The following ANTXRL variants were observed in gnomAD, a reference collection of about 807,000 sequenced individuals.
ANTXRL encodes the protein anthrax toxin receptor-like.
ANTXRL carries 63 observed loss-of-function variants against 75.4 expected under a neutral mutation model. That is an observed-to-expected ratio of 0.84 (90% CI 0.68 to 1.03). The LOEUF is 1.03. Ranked by LOEUF, ANTXRL falls within the 50% of genes least tolerant of loss-of-function variation. The probability of loss-of-function intolerance (pLI) is 0.00; values close to 1 mark genes in which losing one functional copy is unlikely to be tolerated. For synonymous variants in ANTXRL, 335 were observed against 291.3 expected (o/e 1.15, Z -1.53); for missense variants, 797 against 789.4 (o/e 1.01, Z -0.12).
At position 46,306,891 on chromosome 10, in the gene ANTXRL, A is replaced by C; in HGVS notation, c.965+19A>C. 1 of 1,515,974 alleles carries C rather than the reference A, an allele frequency of 6.6e-7. No individual in the cohort carries two copies. Among genetic ancestry groups the C allele is most frequent in the Non-Finnish European group, 8.8e-7 (1 of 1,137,162 alleles). The allele number at this position is 1,515,974 out of a possible 1,614,324, so 93.9% of individuals were successfully genotyped here. A position where few individuals can be genotyped will look rare whatever the true frequency, so the allele number is the denominator to read the frequency against. On this transcript the variant is annotated intron_variant, in intron 11 of 16. Transcript: ENST00000620264. ...CTGGAGAGTAAGTGCCCCTGGCAGG[A>C]GGCTAGAGGGCAAGAGACCAGGGAG...
Position 46,311,586 on chromosome 10 carries a change from C to T in ANTXRL, c.1250C>T (p.Pro417Leu). Residue 417 changes from proline (P) to leucine (L), a missense_variant, in exon 15 of 17, where the codon CCA becomes CTA. Transcript: ENST00000620264. ...PPPPPLPPPP[P>L]APVNTCPTVI... ...CCACCTCCACTCCCGCCTCCGCCCC[C>T]AGCTCCTGTAAACACCTGCCCCACT... 1.3e-6 allele frequency: 2 copies of T among 1,494,170 alleles called. No individual in the cohort carries two copies. The highest frequency in any genetic ancestry group is 1.2e-5 in the South Asian group (1 of 83,238). The allele number at this position is 1,494,170 out of a possible 1,614,324, so 92.6% of individuals were successfully genotyped here. A position where few individuals can be genotyped will look rare whatever the true frequency, so the allele number is the denominator to read the frequency against.
rs146897445 is a variant in ANTXRL, at chr10:46,321,991, T to C, written c.1411-7608T>C. 1.0e-3 allele frequency among the ~76,000 whole-genome samples: 154 copies of C among 152,252 alleles called. 3 individuals are homozygous for C. In the East Asian group the frequency reaches 0.029, roughly 29 times the overall value. On this transcript the variant is annotated intron_variant, in intron 16 of 16. Transcript: ENST00000620264. Reference sequence around the variant, plus strand: ...TGATAGTGCCATCATGTCCATAATATCTTAAGTGCTTTATAACTTGCACAG... The same window carrying C: ...TGATAGTGCCATCATGTCCATAATACCTTAAGTGCTTTATAACTTGCACAG...
intron 5 of ANTXRL, among the ~76,000 whole-genome samples, chr10:46,296,646 T>C (rs782187760): frequency 8.5e-5 from 13 of 152,134 alleles, no homozygotes; most frequent in Non-Finnish European, 1.9e-4. Context: ...TACAGAAGGC[T>C]GTCCAGGGCC....
chr10:46,286,755 A>G (rs1250142065), upstream of ANTXRL, among the ~76,000 whole-genome samples: 2 of 152,136 alleles, frequency 1.3e-5, no homozygotes, highest in Non-Finnish European at 2.9e-5. Flanking sequence ...CTGGCCTCCC[A>G]GTCCTTGACC....
intron 7 of ANTXRL, 61 bp from the exon 8 acceptor site, chr10:46,297,770 C>T (rs1357694719): frequency 6.8e-5 from 95 of 1,403,906 alleles, no homozygotes; most frequent in African/African-American, 3.6e-4. Flanking sequence ...TCTCCTGGGC[C>T]GGGGGTCTGC....
rs557931149 is a variant in ANTXRL at position 46,292,209 on chromosome 10, C to T, written c.320+80C>T. On this transcript the variant is annotated intron_variant, in intron 2 of 16. Coordinates refer to ENST00000620264, the MANE Select transcript of ANTXRL (RefSeq NM_001278688.3). ...AAGGCAGGCAGAGGGCACATCCCAT[C>T]AGATGGGGTGGGCGTGGGAGTCCTT... The T allele has an allele frequency of 1.2e-5, 16 of 1,380,568 alleles. No individual in the cohort carries two copies. In the East Asian group the frequency reaches 4.0e-4, roughly 34 times the overall value. 85.5% of individuals were successfully genotyped at this position (1,380,568 alleles called of 1,614,324 possible). A position where few individuals can be genotyped will look rare whatever the true frequency, so the allele number is the denominator to read the frequency against.
intron 1 of ANTXRL, among the ~76,000 whole-genome samples, chr10:46,288,173 T>C (rs1340055226): frequency 1.3e-5 from 2 of 152,142 alleles, no homozygotes; most frequent in African/African-American, 4.8e-5. Flanking sequence ...CTTGGTTCCC[T>C]TTCCTGCTCC....
chr10:46,286,623 G>T (rs1359410932), upstream of ANTXRL, among the ~76,000 whole-genome samples: 1 of 152,172 alleles, frequency 6.6e-6, no homozygotes, highest in Non-Finnish European at 1.5e-5. Flanking sequence ...CACAGCAGTA[G>T]AGAACCGGAA....
chr10:46,288,118 C>T (rs1412183508), intron 1 of ANTXRL, among the ~76,000 whole-genome samples: 1 of 152,140 alleles, frequency 6.6e-6, no homozygotes, highest in Non-Finnish European at 1.5e-5. Flanking sequence ...CCTTCTGGCT[C>T]ACCAGGAAAG....
chr10:46,313,584 G>C (rs559878023), intron 16 of ANTXRL, among the ~76,000 whole-genome samples: 1 of 152,284 alleles, frequency 6.6e-6, no homozygotes, highest in East Asian at 1.9e-4. Flanking sequence ...TTCTAACAGG[G>C]AATAAGGATT....
intron 16 of ANTXRL, among the ~76,000 whole-genome samples, chr10:46,313,778 A>G (rs1162971457): frequency 1.5e-4 from 23 of 152,200 alleles, no homozygotes; most frequent in African/African-American, 5.6e-4. Context: ...TTATCCTCCC[A>G]GTAACTGTAC....
At chr10:46,308,771 C>T (rs1375004126) in intron 12 of ANTXRL, 3 of 370,608 alleles carry the variant, frequency 8.1e-6, no homozygotes, top group South Asian at 2.5e-5. Flanking sequence ...CCTGCCCCTG[C>T]TCCTGTGCCT....
At chr10:46,307,163 A>G (rs1412490699) in intron 11 of ANTXRL, among the ~76,000 whole-genome samples, 6 of 152,130 alleles carry the variant, frequency 3.9e-5, no homozygotes, top group Non-Finnish European at 7.3e-5. Context: ...CACTCTGTAA[A>G]TACAGAAGAG....
At chr10:46,294,056 C>T (rs1224923118) in intron 3 of ANTXRL, 156 bp downstream of exon 3, 3 of 642,454 alleles carry the variant, frequency 4.7e-6, no homozygotes, top group Middle Eastern at 4.1e-4. Context: ...GACCTTAGCC[C>T]CGGCTCCCCT....
In ANTXRL at chr10:46,306,834, C is replaced by T. The variant is rs1190195786; in HGVS notation, c.927C>T (p.Ser309=). ...DEKPTSIDNN[S]MNCPGPKLEK... ...AGCCAACCAGTATCGACAATAATTCCATGAATTGCCCTGGGCCAAAACTAG... is the reference window on the plus strand; with the variant it reads ...AGCCAACCAGTATCGACAATAATTCTATGAATTGCCCTGGGCCAAAACTAG... The change falls in exon 11 of 17, where the codon TCC becomes TCT. Residue 309 remains serine (S), a synonymous_variant. Coordinates refer to ENST00000620264, the MANE Select transcript of ANTXRL (RefSeq NM_001278688.3). The T allele has an allele frequency of 2.2e-5, 34 of 1,529,190 alleles. No homozygotes were observed. In the African/African-American group the frequency reaches 3.0e-4, roughly 14 times the overall value. The allele number at this position is 1,529,190 out of a possible 1,614,324, so 94.7% of individuals were successfully genotyped here. A position where few individuals can be genotyped will look rare whatever the true frequency, so the allele number is the denominator to read the frequency against.
At chr10:46,314,392 A>G (rs1554964294) in intron 16 of ANTXRL, among the ~76,000 whole-genome samples, 1 of 152,072 alleles carries the variant, frequency 6.6e-6, no homozygotes, top group Non-Finnish European at 1.5e-5. Flanking sequence ...GCTACAGCCC[A>G]GTTCCGGTCA....
intron 16 of ANTXRL, among the ~76,000 whole-genome samples, chr10:46,325,555 C>T (rs1839173542): frequency 6.6e-6 from 1 of 152,076 alleles, no homozygotes; most frequent in Non-Finnish European, 1.5e-5. Flanking sequence ...AATTGAACTG[C>T]CAAGTTCAGG....
intron 3 of ANTXRL, chr10:46,294,126 A>T: frequency 1.8e-6 from 1 of 555,148 alleles, no homozygotes; most frequent in Non-Finnish European, 3.2e-6. Context: ...AGAAGTTCTC[A>T]GCCTCCCCCA....
intron 10 of ANTXRL, among the ~76,000 whole-genome samples, chr10:46,303,797 G>T (rs1421361643): frequency 6.6e-6 from 1 of 152,084 alleles, no homozygotes; most frequent in South Asian, 2.1e-4. Flanking sequence ...ACTGTGCCCT[G>T]GGTGCTGGGG....
Sources: allele counts gnomAD v4.1 joint callset (sites outside exome capture counted in the v4.1 genomes callset), GRCh38; gene constraint gnomAD v4.1.1; transcripts MANE v1.5; gene names NCBI Gene and HGNC (gene_info 2026-07-23, HGNC 2026-07-21).